WDR72: variants seen among roughly 807,000 people sequenced by gnomAD.
WDR72 encodes the protein WD repeat-containing protein 72.
WDR72 carries 120 observed loss-of-function variants against 124.2 expected under a neutral mutation model. The ratio of observed to expected loss-of-function variants is 0.97; its 90% CI spans 0.83 to 1.12. The LOEUF is 1.12. WDR72 is among the 50% of genes most tolerant of loss of function. WDR72 has a pLI of 0.00. For synonymous variants in WDR72, 452 were observed against 441.7 expected (o/e 1.02, Z -0.29); for missense variants, 1,387 against 1,278.8 (o/e 1.08, Z -1.29).
At chr15:53,702,916 T>G (rs2017228667) in intron 11 of WDR72, among the ~76,000 whole-genome samples, 1 of 151,072 alleles carries the variant, frequency 6.6e-6, no homozygotes, top group Admixed American at 6.6e-5. Context: ...TTTTTTTTTT[T>G]TGAGACAGGG....
At chr15:53,521,888 T>TACCA (rs1350969879) in intron 19 of WDR72, among the ~76,000 whole-genome samples, 2 of 152,202 alleles carry the variant, frequency 1.3e-5, no homozygotes, top group East Asian at 3.9e-4. Context: ...AATTTAACAC[T>TACCA]ACCATTTATT....
rs562457283 is a variant in WDR72, at chr15:53,657,080, C to G, written c.1962+8492G>C. 7.9e-5 allele frequency among the ~76,000 whole-genome samples: 12 copies of G among 151,756 alleles called. No homozygotes were observed. The East Asian group carries it at 1.6e-3, about 20-fold the overall frequency. On this transcript the variant is annotated intron_variant, in intron 14 of 19. Coordinates refer to ENST00000360509, the MANE Select transcript of WDR72 (RefSeq NM_182758.4). Reference sequence around the variant, plus strand: ...GAGATCGAGACCATCCTGGCTAACACAGTGAAACCCCGTCTCTACTAAAAA... The same window carrying G: ...GAGATCGAGACCATCCTGGCTAACAGAGTGAAACCCCGTCTCTACTAAAAA...
At chr15:53,556,763 CT>C (rs1245816881) in intron 18 of WDR72, among the ~76,000 whole-genome samples, 1 of 152,100 alleles carries the variant, frequency 6.6e-6, no homozygotes, top group African/African-American at 2.4e-5. Context: ...CTATTATAGG[CT>C]TTCTACAACA....
intron 18 of WDR72, among the ~76,000 whole-genome samples, chr15:53,561,057 T>C (rs1894108816): frequency 6.6e-6 from 1 of 151,410 alleles, no homozygotes; most frequent in Non-Finnish European, 1.5e-5. Context: ...TACTCTTTTA[T>C]TGGCATTTTA....
At chr15:53,592,287 T>C (rs1360154786) in intron 18 of WDR72, among the ~76,000 whole-genome samples, 1 of 152,024 alleles carries the variant, frequency 6.6e-6, no homozygotes, top group Non-Finnish European at 1.5e-5. Flanking sequence ...AGAACTCACT[T>C]ACTCCTGGAG....
chr15:53,656,180 C>G (rs117050511), intron 14 of WDR72, among the ~76,000 whole-genome samples: 1 of 152,130 alleles, frequency 6.6e-6, no homozygotes, highest in East Asian at 1.9e-4. Flanking sequence ...CACACTTGAA[C>G]CAAAAGATTA....
At chr15:53,690,803 C>T (rs2016813975) in intron 13 of WDR72, among the ~76,000 whole-genome samples, 1 of 152,010 alleles carries the variant, frequency 6.6e-6, no homozygotes, top group African/African-American at 2.4e-5. Flanking sequence ...GTTTTTATTT[C>T]CTTTAGGTAT....
intron 13 of WDR72, among the ~76,000 whole-genome samples, chr15:53,689,338 G>C (rs970210337): frequency 8.0e-5 from 12 of 149,526 alleles, no homozygotes; most frequent in African/African-American, 2.5e-4. Flanking sequence ...CTAATATCCA[G>C]AATCTACAAC....
rs1891507858 is a variant in WDR72 at position 53,517,121 on chromosome 15, C to T, written c.*578G>A. ...TTATACTTTGTATCTCTTATTTGGG[C>T]TAATTGATAACTAAATGGAACTGGG... On this transcript the variant is annotated 3_prime_UTR_variant, in exon 20 of 20. Transcript: ENST00000360509. The T allele has an allele frequency of 6.3e-6, 1 of 158,866 alleles. No individual in the cohort carries two copies. Among genetic ancestry groups the T allele is most frequent in the Admixed American group, 6.1e-5 (1 of 16,386 alleles). The allele number at this position is 158,866 out of a possible 1,614,324, so 9.8% of individuals were successfully genotyped here. A position where few individuals can be genotyped will look rare whatever the true frequency, so the allele number is the denominator to read the frequency against.
intron 18 of WDR72, among the ~76,000 whole-genome samples, chr15:53,537,942 G>C (rs190296329): frequency 1.2e-4 from 18 of 152,150 alleles, no homozygotes; most frequent in Admixed American, 1.0e-3. Context: ...ATGTCCATTT[G>C]TATCTATTAA....
chr15:53,529,145 C>CATATATATATAT (rs34418320), intron 18 of WDR72, among the ~76,000 whole-genome samples: 1 of 112,548 alleles, frequency 8.9e-6, no homozygotes, highest in African/African-American at 3.8e-5. Context: ...CTGTTTAGCC[C>CATATATATATAT]ATATATATAT....
chr15:53,572,875 A>G (rs1271243505), intron 18 of WDR72, among the ~76,000 whole-genome samples: 1 of 152,210 alleles, frequency 6.6e-6, no homozygotes, highest in Non-Finnish European at 1.5e-5. Flanking sequence ...TTTCTAGAGA[A>G]CCACATTTTT....
intron 1 of WDR72, among the ~76,000 whole-genome samples, chr15:53,747,602 C>T (rs927070822): frequency 3.9e-5 from 6 of 152,166 alleles, no homozygotes; most frequent in Admixed American, 1.3e-4. Context: ...ACATCTCTTT[C>T]ATTACATGGA....
chr15:53,571,768 TCA>T, intron 18 of WDR72, among the ~76,000 whole-genome samples: 1 of 65,374 alleles, frequency 1.5e-5, no homozygotes, highest in South Asian at 6.2e-4. Flanking sequence ...GTTCTATTTT[TCA>T]TTTTTTTTTT....
At chr15:53,755,785 T>G (rs900685052) in intron 1 of WDR72, among the ~76,000 whole-genome samples, 1 of 152,216 alleles carries the variant, frequency 6.6e-6, no homozygotes, top group African/African-American at 2.4e-5. Context: ...TTAACCCTGC[T>G]GGGAGGAGAT....
At chr15:53,701,988 A>G in intron 12 of WDR72, 146 bp downstream of exon 12, 1 of 529,796 alleles carries the variant, frequency 1.9e-6, no homozygotes, top group Non-Finnish European at 3.2e-6. Context: ...ATAAATATAT[A>G]TGAATCATCC....
At chr15:53,702,924 G>C (rs536357682) in intron 11 of WDR72, among the ~76,000 whole-genome samples, 1 of 147,988 alleles carries the variant, frequency 6.8e-6, no homozygotes, top group East Asian at 2.0e-4. Flanking sequence ...TTTTGAGACA[G>C]GGTCTCACTC....
intron 13 of WDR72, among the ~76,000 whole-genome samples, chr15:53,675,119 C>T (rs1416758893): frequency 3.9e-5 from 6 of 152,004 alleles, no homozygotes; most frequent in Admixed American, 6.6e-5. Flanking sequence ...CCGAAGCAGG[C>T]GGATCACGAG....
intron 11 of WDR72, among the ~76,000 whole-genome samples, chr15:53,703,515 G>A (rs1293572866): frequency 1.3e-5 from 2 of 151,516 alleles, no homozygotes; most frequent in Admixed American, 6.6e-5. Context: ...TGTTACATCT[G>A]AAAATTTAGG....
Sources: gnomAD v4.1 joint callset for allele counts (sites outside exome capture counted in the v4.1 genomes callset) on GRCh38, gnomAD v4.1.1 for gene constraint, MANE v1.5 for transcripts, NCBI Gene and HGNC (gene_info 2026-07-23, HGNC 2026-07-21) for gene names.